PKIB: variants seen among roughly 807,000 people sequenced by gnomAD.
PKIB encodes the protein cAMP-dependent protein kinase inhibitor beta, also known as PKI-beta.
In PKIB, 2 loss-of-function variants were observed where a neutral mutation model predicts 4.5. The observed-to-expected ratio is 0.44, with a 90% CI of 0.18 to 1.39. The LOEUF (loss-of-function observed/expected upper bound fraction) is 1.39. Among genes scored for constraint, PKIB ranks in the 40% most tolerant of loss-of-function variants. The probability of loss-of-function intolerance (pLI) is 0.27; values close to 1 mark genes in which losing one functional copy is unlikely to be tolerated. For missense variants in PKIB, 94 were observed against 92.6 expected (o/e 1.02, Z -0.06); for synonymous variants, 38 against 36.0 (o/e 1.06, Z -0.20).
rs569194715 is a variant in PKIB at position 122,583,621 on chromosome 6, T to A, written c.-247-2300T>A. Among the ~76,000 whole-genome samples the A allele has an allele frequency of 7.2e-5, 11 of 152,268 alleles. No homozygotes were observed. The East Asian group carries it at 2.1e-3, about 29-fold the overall frequency. Reference sequence around the variant, plus strand: ...TCCCCTCACACTGAATACGCACATATACATTTTGTAATGTTAATTCTAGTC... The same window carrying A: ...TCCCCTCACACTGAATACGCACATAAACATTTTGTAATGTTAATTCTAGTC... On this transcript the variant is annotated intron_variant, in intron 2 of 6. Transcript: ENST00000392491.
chr6:122,577,481 G>C (rs1773578035), intron 2 of PKIB, among the ~76,000 whole-genome samples: 1 of 152,004 alleles, frequency 6.6e-6, no homozygotes. Flanking sequence ...TCAGATTTGT[G>C]AGTTGTCAAA....
chr6:122,628,262 C>T (rs1028389646), intron 1 of PKIB, among the ~76,000 whole-genome samples: 2 of 152,216 alleles, frequency 1.3e-5, no homozygotes, highest in African/African-American at 4.8e-5. Flanking sequence ...GTCTCAAACT[C>T]CCGACCTCAG....
upstream of PKIB, among the ~76,000 whole-genome samples, chr6:122,609,428 A>G (rs1381260173): frequency 2.0e-5 from 3 of 152,206 alleles, no homozygotes; most frequent in Non-Finnish European, 4.4e-5. Context: ...TGATTGTACT[A>G]CCATTAGCAC....
chr6:122,523,865 T>C (rs1777020825), intron 2 of PKIB, among the ~76,000 whole-genome samples: 1 of 152,024 alleles, frequency 6.6e-6, no homozygotes, highest in Non-Finnish European at 1.5e-5. Context: ...CTCCTTCGCC[T>C]TCTGCCACAA....
At chr6:122,540,873 G>T (rs1056228897) in intron 2 of PKIB, among the ~76,000 whole-genome samples, 4 of 150,352 alleles carry the variant, frequency 2.7e-5, no homozygotes, top group Non-Finnish European at 4.5e-5. Context: ...TCCTGTATTG[G>T]GTGCATATAT....
chr6:122,616,111 G>C (rs1303186531), intron 1 of PKIB, among the ~76,000 whole-genome samples: 1 of 152,098 alleles, frequency 6.6e-6, no homozygotes, highest in Non-Finnish European at 1.5e-5. Flanking sequence ...ATAATGATGA[G>C]ATCTCCTATG....
At chr6:122,613,158 C>T (rs1168608441) in intron 1 of PKIB, among the ~76,000 whole-genome samples, 1 of 152,116 alleles carries the variant, frequency 6.6e-6, no homozygotes, top group African/African-American at 2.4e-5. Context: ...AATGAGAAAG[C>T]ATGCAGTTTG....
At chr6:122,675,969 C>G (rs1777656947) in intron 3 of PKIB, among the ~76,000 whole-genome samples, 1 of 148,982 alleles carries the variant, frequency 6.7e-6, no homozygotes, top group Middle Eastern at 3.4e-3. Flanking sequence ...ACAATTTTTC[C>G]ACAGACTTGG....
At chr6:122,596,894 C>A (rs184406741) in intron 3 of PKIB, among the ~76,000 whole-genome samples, 2 of 152,170 alleles carry the variant, frequency 1.3e-5, no homozygotes, top group African/African-American at 4.8e-5. Context: ...GGCAGCCTTT[C>A]GGGTCACTTG....
intron 1 of PKIB, among the ~76,000 whole-genome samples, chr6:122,612,838 C>G (rs1774818049): frequency 6.6e-6 from 1 of 152,020 alleles, no homozygotes; most frequent in Middle Eastern, 3.2e-3. Context: ...GTATGACAAA[C>G]TTGTGTCTAA....
chr6:122,505,110 A>T (rs1044428423), intron 2 of PKIB, among the ~76,000 whole-genome samples: 2 of 152,180 alleles, frequency 1.3e-5, no homozygotes, highest in African/African-American at 4.8e-5. Context: ...GGTTTAAATG[A>T]ATTTTCTTTG....
Position 122,717,881 on chromosome 6 carries a change from C to G in PKIB, c.87C>G (p.Ala29=). 6.2e-7 allele frequency: 1 copy of G among 1,614,116 alleles called. No homozygotes were observed. The highest frequency in any genetic ancestry group is 8.5e-7 in the Non-Finnish European group (1 of 1,179,994). The change falls in exon 4 of 5, where the codon GCC becomes GCG. Residue 29 remains alanine (A), a synonymous_variant. Transcript: ENST00000368452. ...ASSARAGRRN[A]LPDIQSSAAT... ...CAGCAAGGGCAGGCCGCCGGAATGCCTTACCAGACATCCAGAGTTCAGCTG... is the reference window on the plus strand; with the variant it reads ...CAGCAAGGGCAGGCCGCCGGAATGCGTTACCAGACATCCAGAGTTCAGCTG...
chr6:122,554,683 A>G (rs902610332), intron 2 of PKIB, among the ~76,000 whole-genome samples: 2 of 152,222 alleles, frequency 1.3e-5, no homozygotes, highest in South Asian at 2.1e-4. Flanking sequence ...AGGGGTAAGT[A>G]TATAACCTGA....
At chr6:122,523,565 C>G (rs911317324) in intron 2 of PKIB, among the ~76,000 whole-genome samples, 1 of 151,892 alleles carries the variant, frequency 6.6e-6, no homozygotes, top group Admixed American at 6.6e-5. Flanking sequence ...GGTGGCTCAC[C>G]TGAGGTCAGG....
chr6:122,659,567 G>A (rs1582785248), intron 2 of PKIB, among the ~76,000 whole-genome samples: 1 of 152,014 alleles, frequency 6.6e-6, no homozygotes, highest in African/African-American at 2.4e-5. Flanking sequence ...TTCAAACAGT[G>A]AAACGGCAAG....
At chr6:122,533,209 G>A (rs1012455604) in intron 2 of PKIB, among the ~76,000 whole-genome samples, 5 of 151,290 alleles carry the variant, frequency 3.3e-5, no homozygotes, top group Admixed American at 2.6e-4. Context: ...TTGGTCTGTC[G>A]CCCAGACTGG....
chr6:122,526,526 TC>T (rs1466865942), intron 2 of PKIB, among the ~76,000 whole-genome samples: 1 of 152,114 alleles, frequency 6.6e-6, no homozygotes, highest in African/African-American at 2.4e-5. Context: ...TCCCTGGATA[TC>T]CCCATAAAAG....
intron 1 of PKIB, chr6:122,477,812 A>G (rs1177629272): frequency 4.6e-5 from 7 of 152,146 alleles, no homozygotes; most frequent in Non-Finnish European, 8.8e-5. Context: ...AGCTCTTTCT[A>G]CTGAGTGATT....
At chr6:122,607,166 A>T (rs1774565880), upstream of PKIB, among the ~76,000 whole-genome samples, 1 of 152,004 alleles carries the variant, frequency 6.6e-6, no homozygotes, top group Admixed American at 6.6e-5. Flanking sequence ...TAAACATTGC[A>T]CAGGGCCTTC....
Sources: allele counts gnomAD v4.1 joint callset (sites outside exome capture counted in the v4.1 genomes callset), GRCh38; gene constraint gnomAD v4.1.1; transcripts MANE v1.5; gene names NCBI Gene and HGNC (gene_info 2026-07-23, HGNC 2026-07-21).